Variants in PTCH1 observed in about 807,000 individuals in gnomAD.
PTCH1 encodes protein patched homolog 1.
In PTCH1, 14 loss-of-function variants were observed where a neutral mutation model predicts 144.6. The ratio of observed to expected loss-of-function variants is 0.10; its 90% CI spans 0.06 to 0.15. PTCH1 has a LOEUF of 0.15. Among genes scored for constraint, PTCH1 ranks in the 10% least tolerant of loss-of-function variants. The pLI, the probability that PTCH1 is intolerant of heterozygous loss-of-function variation, is 1.00. For missense variants in PTCH1, 1,623 were observed against 1,948.3 expected (o/e 0.83, Z 3.14); for synonymous variants, 833 against 793.6 (o/e 1.05, Z -0.83).
intron 23 of PTCH1, 193 bp downstream of exon 23, chr9:95,446,718 C>T: frequency 1.4e-6 from 1 of 707,906 alleles, no homozygotes; most frequent in East Asian, 2.7e-5. Flanking sequence ...CAGTGTGGAG[C>T]TGGACTGGTT....
rs554537380 is a variant in PTCH1, at chr9:95,445,101, C to T, written c.*1292G>A. ...TCCTACATAATGCCTGCCTCTACAC[C>T]ACAATGCATGCTCACCACTTAGTTT... On this transcript the variant is annotated 3_prime_UTR_variant, in exon 24 of 24. Transcript: ENST00000331920. 2.0e-5 allele frequency: 3 copies of T among 152,210 alleles called. No homozygotes were observed. Among genetic ancestry groups the T allele is most frequent in the Non-Finnish European group, 4.4e-5 (3 of 68,058 alleles). The allele number at this position is 152,210 out of a possible 1,614,324, so 9.4% of individuals were successfully genotyped here. A position where few individuals can be genotyped will look rare whatever the true frequency, so the allele number is the denominator to read the frequency against.
At chr9:95,510,221 G>A (rs1030915792), upstream of PTCH1, among the ~76,000 whole-genome samples, 7 of 152,116 alleles carry the variant, frequency 4.6e-5, no homozygotes, top group African/African-American at 1.7e-4. Context: ...GGGTTCATTT[G>A]TACACCCCTT....
At position 95,446,916 on chromosome 9, in the gene PTCH1, T is replaced by C. The variant is rs972576439; in HGVS notation, c.4340A>G (p.Asn1447Ser). The C allele has an allele frequency of 2.5e-6, 4 of 1,613,950 alleles. No individual in the cohort carries two copies. In the African/African-American group the frequency reaches 4.0e-5, roughly 16 times the overall value. Residue 1447 changes from asparagine to serine, a missense_variant, in exon 23 of 24, where the codon AAC becomes AGC. Physicochemically the swap from Asn to Ser is conservative, Grantham distance 46 (BLOSUM62 1). This residue lies in a region of PTCH1 where 291 missense variants were observed against 287.4 expected (regional missense o/e 1.01). Coordinates refer to ENST00000331920, the MANE Select transcript of PTCH1 (RefSeq NM_000264.5). ...CCCTTGTCAGTGGCACTCACCTCAG[T>C]TGGAGCTGCTTCCCCGGGGCCTCTC... ...CEERPRGSSS[N>S]
chr9:95,477,401 C>T, intron 10 of PTCH1, 146 bp downstream of exon 10: 1 of 1,136,788 alleles, frequency 8.8e-7, no homozygotes, highest in Non-Finnish European at 1.3e-6. Context: ...GACAGCATTC[C>T]CCTGAAACCA....
At chr9:95,479,846 TG>T in intron 7 of PTCH1, 122 bp downstream of exon 7, 3 of 1,502,030 alleles carry the variant, frequency 2.0e-6, no homozygotes, top group Non-Finnish European at 2.8e-6. Flanking sequence ...TGACGCCACC[TG>T]GCTAGCGAGG....
intron 15 of PTCH1, among the ~76,000 whole-genome samples, chr9:95,462,350 G>A (rs892517406): frequency 6.6e-6 from 1 of 152,162 alleles, no homozygotes; most frequent in African/African-American, 2.4e-5. Context: ...TAACCGTTTC[G>A]TGCCACTCGG....
At chr9:95,507,037 G>A in intron 1 of PTCH1, 1 of 988,676 alleles carries the variant, frequency 1.0e-6, no homozygotes, top group Non-Finnish European at 1.2e-6. Flanking sequence ...CTCGGGGACG[G>A]GCGCTAGGGG....
At chr9:95,470,008 C>T in intron 12 of PTCH1, 77 bp from the exon 13 acceptor site, 1 of 1,060,986 alleles carries the variant, frequency 9.4e-7, no homozygotes, top group East Asian at 2.4e-5. Flanking sequence ...AATAAAGATG[C>T]TTTTAAACAA....
chr9:95,509,679 T>G (rs1844044636), upstream of PTCH1, among the ~76,000 whole-genome samples: 1 of 152,166 alleles, frequency 6.6e-6, no homozygotes. Context: ...TTTAAGCGCT[T>G]AAACAATTTC....
chr9:95,467,456 C>A, intron 14 of PTCH1, 31 bp from the exon 15 acceptor site: 1 of 1,605,192 alleles, frequency 6.2e-7, no homozygotes, highest in Non-Finnish European at 8.5e-7. Context: ...GGTCAGACCC[C>A]AGGGAGCACC....
intron 20 of PTCH1, 89 bp downstream of exon 20, chr9:95,453,389 T>TAA (rs1461433559): frequency 1.3e-6 from 2 of 1,591,510 alleles, no homozygotes; most frequent in African/African-American, 2.7e-5. Context: ...CTCGGCCTCC[T>TAA]AAAGTGCTGG....
At chr9:95,498,756 T>C (rs1461848866) in intron 2 of PTCH1, among the ~76,000 whole-genome samples, 1 of 152,160 alleles carries the variant, frequency 6.6e-6, no homozygotes, top group Non-Finnish European at 1.5e-5. Flanking sequence ...ATGACCCTGA[T>C]TATATCTGTG....
chr9:95,469,692 G>A (rs560740891), intron 13 of PTCH1, 121 bp downstream of exon 13: 8 of 1,012,326 alleles, frequency 7.9e-6, no homozygotes, highest in East Asian at 7.2e-5. Flanking sequence ...TCTCCCCTAC[G>A]TTCTCCACAC....
Position 95,453,495 on chromosome 9 carries a change from C to A in PTCH1, c.3432G>T (p.Glu1144Asp). 2 of 1,614,158 alleles carry A rather than the reference C, an allele frequency of 1.2e-6. No homozygotes were observed. The highest frequency in any genetic ancestry group is 1.7e-6 in the Non-Finnish European group (2 of 1,180,040). Residue 1144 changes from glutamate (E) to aspartate (D), a missense_variant, in exon 20 of 24, where the codon GAG becomes GAT. This residue lies in a region of PTCH1 where 504 missense variants were observed against 679.3 expected (regional missense o/e 0.74). Coordinates refer to ENST00000331920, the MANE Select transcript of PTCH1 (RefSeq NM_000264.5). ...CTGCTTACCTGACAATGAAGTCGAA[C>A]TCAGATCCCGCCAGCATCAGCACTC... ...LLGVLMLAGS[E>D]FDFIVRYFFA...
chr9:95,489,755 G>C (rs1016445916), intron 2 of PTCH1, among the ~76,000 whole-genome samples: 3 of 151,864 alleles, frequency 2.0e-5, no homozygotes, highest in Non-Finnish European at 2.9e-5. Context: ...TGTAGGCATA[G>C]GGAACCAAGT....
intron 4 of PTCH1, 47 bp from the exon 5 acceptor site, chr9:95,482,087 T>C (rs763763333): frequency 6.2e-7 from 1 of 1,608,644 alleles, no homozygotes. Context: ...TAAGGCACAC[T>C]ACTGGGGTGT....
chr9:95,458,383 C>T lies in PTCH1; in HGVS notation c.2888-90G>A, dbSNP rs1839156331. On this transcript the variant is annotated intron_variant, in intron 17 of 23. Transcript: ENST00000331920. This position sits in a 1 kb window ranked among gnomAD's most constrained non-coding sequence, Gnocchi z 4.7. Reference sequence around the variant, plus strand: ...AAGAGAGAAGAACTTTGCATGAAAGCTTACTGACTGCTCTTCTACATGATA... The same window carrying T: ...AAGAGAGAAGAACTTTGCATGAAAGTTTACTGACTGCTCTTCTACATGATA... 1.4e-6 allele frequency: 2 copies of T among 1,465,250 alleles called. No individual in the cohort carries two copies. Among genetic ancestry groups the T allele is most frequent in the Admixed American group, 1.9e-5 (1 of 51,418 alleles). 90.8% of individuals were successfully genotyped at this position (1,465,250 alleles called of 1,614,324 possible).
chr9:95,455,936 C>T (rs779638520), intron 19 of PTCH1, among the ~76,000 whole-genome samples: 1 of 152,158 alleles, frequency 6.6e-6, no homozygotes, highest in African/African-American at 2.4e-5. Flanking sequence ...CCACATAATC[C>T]GCCTTATGAA....
At chr9:95,507,938 AC>A in intron 1 of PTCH1, 1 of 1,446,446 alleles carries the variant, frequency 6.9e-7, no homozygotes, top group Non-Finnish European at 9.1e-7. Context: ...ACACACCTCC[AC>A]CCCCTGCGGA....
Sources: allele counts gnomAD v4.1 joint callset (sites outside exome capture counted in the v4.1 genomes callset), GRCh38; gene constraint gnomAD v4.1.1; regional missense constraint gnomAD v4.1.1; non-coding constraint Gnocchi (gnomAD v3.1); transcripts MANE v1.5; gene names NCBI Gene and HGNC (gene_info 2026-07-23, HGNC 2026-07-21).